The following SEZ6L variants were observed in gnomAD, a reference collection of about 807,000 sequenced individuals.
SEZ6L encodes the protein seizure 6-like protein.
A neutral mutation model predicts 106.2 loss-of-function variants in SEZ6L; 37 were observed. That is an observed-to-expected ratio of 0.35 (90% CI 0.27 to 0.46). The LOEUF (loss-of-function observed/expected upper bound fraction) is 0.46. Among genes scored for constraint, SEZ6L ranks in the 20% least tolerant of loss-of-function variants. SEZ6L has a pLI of 1.00. For missense variants in SEZ6L, 1,172 were observed against 1,332.8 expected (o/e 0.88, Z 1.88); for synonymous variants, 541 against 570.4 (o/e 0.95, Z 0.73).
In SEZ6L at chr22:26,373,491, C is replaced by G; in HGVS notation, c.2827+8C>G. On this transcript the variant is annotated splice_region_variant and intron_variant, in intron 14 of 16. Transcript: ENST00000248933. ...TTGAACATGCTTTAGAAGGTGAGTT[C>G]CAGAACGAAAAAAAAAAAAGTTCAA... 1 of 1,550,920 alleles carries G rather than the reference C, an allele frequency of 6.4e-7. No individual in the cohort carries two copies. The highest frequency in any genetic ancestry group is 1.2e-5 in the South Asian group (1 of 82,446).
In SEZ6L at chr22:26,211,709, C is replaced by T. The variant is rs1057335138; in HGVS notation, c.94+41946C>T. ...TTGTAGCCAGGTGTGGTGGCTCACA[C>T]CTGTAATCCCAGCTACTCAGCAGGG... On this transcript the variant is annotated intron_variant, in intron 1 of 16. Transcript: ENST00000248933. Among the ~76,000 whole-genome samples the T allele has an allele frequency of 4.0e-5, 6 of 148,492 alleles. No homozygotes were observed. In the South Asian group the frequency reaches 1.1e-3, roughly 26 times the overall value.
At chr22:26,367,002 G>A (rs144312371) in intron 13 of SEZ6L, among the ~76,000 whole-genome samples, 15 of 151,988 alleles carry the variant, frequency 9.9e-5, no homozygotes, top group African/African-American at 3.4e-4. Context: ...ACTCAATATC[G>A]CTCCTGTTGA....
chr22:26,371,511 T>C (rs182988243), intron 13 of SEZ6L, among the ~76,000 whole-genome samples: 2 of 152,234 alleles, frequency 1.3e-5, no homozygotes, highest in Admixed American at 1.3e-4. Flanking sequence ...TGTGCACCTG[T>C]AATCCCAGCT....
intron 13 of SEZ6L, among the ~76,000 whole-genome samples, chr22:26,372,301 A>G (rs918074782): frequency 5.3e-5 from 8 of 152,216 alleles, no homozygotes; most frequent in African/African-American, 1.9e-4. Context: ...TCCAAGGAAC[A>G]CATGATTCAA....
chr22:26,344,609 C>G (rs1465822305), intron 10 of SEZ6L, among the ~76,000 whole-genome samples: 1 of 152,182 alleles, frequency 6.6e-6, no homozygotes, highest in African/African-American at 2.4e-5. Context: ...TTGTGCATTT[C>G]TTTTGTGCAA....
rs778094901 is a variant in SEZ6L, at chr22:26,311,969, G to A, written c.1876+7G>A. On this transcript the variant is annotated splice_region_variant and intron_variant, in intron 8 of 16. Transcript: ENST00000248933. ...ACAGAGCCCCTGTGCAGAGGTGAGC[G>A]GATCCACAACGCTCTTCCCACGGCA... is the stretch of plus-strand genomic sequence containing the variant. 10 of 1,611,788 alleles carry A rather than the reference G, an allele frequency of 6.2e-6. No homozygotes were observed. The highest frequency in any genetic ancestry group is 1.3e-5 in the African/African-American group (1 of 74,752).
intron 1 of SEZ6L, among the ~76,000 whole-genome samples, chr22:26,187,901 G>A (rs1939895911): frequency 1.3e-5 from 2 of 152,176 alleles, no homozygotes. Context: ...TTTTACAAAT[G>A]CATGAGAACC....
At chr22:26,295,244 G>A (rs1156761757) in intron 3 of SEZ6L, among the ~76,000 whole-genome samples, 1 of 152,194 alleles carries the variant, frequency 6.6e-6, no homozygotes, top group Non-Finnish European at 1.5e-5. Context: ...CAGCCCAGCA[G>A]AGAGAGAGGG....
intron 1 of SEZ6L, among the ~76,000 whole-genome samples, chr22:26,170,509 C>T (rs1938512511): frequency 6.6e-6 from 1 of 152,008 alleles, no homozygotes; most frequent in South Asian, 2.1e-4. Context: ...TTTCATCTAC[C>T]ACGTGTTTGT....
At chr22:26,189,241 G>C (rs1940011087) in intron 1 of SEZ6L, among the ~76,000 whole-genome samples, 1 of 152,220 alleles carries the variant, frequency 6.6e-6, no homozygotes, top group South Asian at 2.1e-4. Flanking sequence ...CCATTTCACA[G>C]ATGAGGAAAC....
At chr22:26,314,488 A>G (rs1246663913) in intron 9 of SEZ6L, among the ~76,000 whole-genome samples, 1 of 152,214 alleles carries the variant, frequency 6.6e-6, no homozygotes, top group East Asian at 1.9e-4. Flanking sequence ...GTCTCCCTCA[A>G]CTAGACCAGA....
rs758925150 is a variant in SEZ6L at position 26,311,831 on chromosome 22, C to T, written c.1745C>T (p.Pro582Leu). ...AATGGGAACTTCACTACATCCGACC[C>T]GACCTATAACATTGGGACTATAGTG... The part of the protein sequence containing the change: ...IQNGNFTTSD[P>L]TYNIGTIVEF... Residue 582 changes from proline to leucine, a missense_variant, in exon 8 of 17, where the codon CCG (proline) becomes CTG (leucine). Physicochemically the swap from Pro to Leu is moderately conservative, Grantham distance 98. Around this residue, in one of 4 missense-constraint regions of SEZ6L, gnomAD observed 534 missense variants for 691.0 expected, o/e 0.77. Coordinates refer to ENST00000248933, the MANE Select transcript of SEZ6L (RefSeq NM_021115.5). 1.8e-5 allele frequency: 29 copies of T among 1,614,036 alleles called. No homozygotes were observed. Among genetic ancestry groups the T allele is most frequent in the East Asian group, 4.5e-5 (2 of 44,894 alleles).
At chr22:26,270,996 T>C (rs560155069) in intron 1 of SEZ6L, among the ~76,000 whole-genome samples, 1 of 152,276 alleles carries the variant, frequency 6.6e-6, no homozygotes, top group African/African-American at 2.4e-5. Context: ...ATGATCCAGA[T>C]ACAAAAATAA....
chr22:26,187,417 A>G lies in SEZ6L; in HGVS notation c.94+17654A>G, dbSNP rs543201565. ...ATTCAAGATGAGATTTGGGTGGGGA[A>G]AATTTCATTCCACCAAGCCCACTGC... On this transcript the variant is annotated intron_variant, in intron 1 of 16. Transcript: ENST00000248933. 6.6e-5 allele frequency among the ~76,000 whole-genome samples: 10 copies of G among 152,332 alleles called. No individual in the cohort carries two copies. In the South Asian group the frequency reaches 1.9e-3, roughly 28 times the overall value.
At chr22:26,179,992 T>C (rs530919207) in intron 1 of SEZ6L, among the ~76,000 whole-genome samples, 1 of 152,220 alleles carries the variant, frequency 6.6e-6, no homozygotes, top group Non-Finnish European at 1.5e-5. Flanking sequence ...AAGTGCCCAG[T>C]AGCTATGTGT....
intron 1 of SEZ6L, among the ~76,000 whole-genome samples, chr22:26,258,130 G>T (rs1400760296): frequency 2.6e-5 from 4 of 152,114 alleles, no homozygotes; most frequent in Non-Finnish European, 5.9e-5. Context: ...TGGGTGGAGA[G>T]CTATGGAGGA....
chr22:26,351,544 T>G (rs62225729), intron 12 of SEZ6L: 3,223 of 160,868 alleles, frequency 0.02, 38 homozygotes, highest in Admixed American at 0.05. Context: ...TTTGTTTGTT[T>G]GTTGGTTGGT....
At chr22:26,248,268 A>G (rs1217742703) in intron 1 of SEZ6L, among the ~76,000 whole-genome samples, 2 of 152,192 alleles carry the variant, frequency 1.3e-5, no homozygotes, top group Admixed American at 6.5e-5. Flanking sequence ...GTGAATGGTG[A>G]CATTCCTACC....
At chr22:26,301,484 A>G (rs144520627) in intron 5 of SEZ6L, among the ~76,000 whole-genome samples, 1 of 152,368 alleles carries the variant, frequency 6.6e-6, no homozygotes, top group African/African-American at 2.4e-5. Context: ...GGATGCAAAC[A>G]TGCTGGTAAC....
Sources: allele counts gnomAD v4.1 joint callset (sites outside exome capture counted in the v4.1 genomes callset), GRCh38; gene constraint gnomAD v4.1.1; regional missense constraint gnomAD v4.1.1; transcripts MANE v1.5; gene names NCBI Gene and HGNC (gene_info 2026-07-23, HGNC 2026-07-21).